Variants in P4HA1 observed in about 807,000 individuals in gnomAD.
The protein encoded by P4HA1 is prolyl 4-hydroxylase subunit alpha-1.
P4HA1 carries 24 observed loss-of-function variants against 72.8 expected under a neutral mutation model. The ratio of observed to expected loss-of-function variants is 0.33; its 90% CI spans 0.24 to 0.46. P4HA1 has a LOEUF of 0.46. P4HA1 is among the 20% of genes least tolerant of loss of function. The pLI is 1.00. For missense variants in P4HA1, 446 were observed against 640.6 expected (o/e 0.70, Z 3.28); for synonymous variants, 201 against 218.8 (o/e 0.92, Z 0.72).
chr10:73,066,759 CAGTG>C (rs1841433230), intron 5 of P4HA1, among the ~76,000 whole-genome samples: 1 of 152,126 alleles, frequency 6.6e-6, no homozygotes, highest in Non-Finnish European at 1.5e-5. Flanking sequence ...GTTCTTGTGA[CAGTG>C]AGTTCTCATG....
chr10:73,034,322 T>TATTTA (rs1280087305), intron 9 of P4HA1, among the ~76,000 whole-genome samples: 1 of 152,118 alleles, frequency 6.6e-6, no homozygotes, highest in Non-Finnish European at 1.5e-5. Context: ...CCATTTTAAT[T>TATTTA]AAGTGTACAA....
intron 10 of P4HA1, among the ~76,000 whole-genome samples, chr10:73,025,737 C>G (rs1840250747): frequency 6.6e-6 from 1 of 152,184 alleles, no homozygotes; most frequent in Non-Finnish European, 1.5e-5. Context: ...CCAAAATCTC[C>G]TTAAGCTGAT....
intron 9 of P4HA1, among the ~76,000 whole-genome samples, chr10:73,041,546 C>A (rs184154596): frequency 0.049 from 7,186 of 148,104 alleles, 603 homozygotes; most frequent in African/African-American, 0.17. Flanking sequence ...CCATCCCCCC[C>A]CCAAAAAAAA....
At chr10:73,070,185 T>G (rs1289633860) in intron 4 of P4HA1, among the ~76,000 whole-genome samples, 3 of 123,492 alleles carry the variant, frequency 2.4e-5, no homozygotes, top group Non-Finnish European at 4.8e-5. Context: ...TGAGATGGAG[T>G]CTCGCTCTGT....
At chr10:73,056,088 T>C (rs941002559) in intron 5 of P4HA1, among the ~76,000 whole-genome samples, 2 of 152,198 alleles carry the variant, frequency 1.3e-5, no homozygotes, top group Non-Finnish European at 2.9e-5. Context: ...TTAAACTCTA[T>C]GACTTAATAC....
At chr10:73,055,207 G>A (rs1841112988) in intron 5 of P4HA1, among the ~76,000 whole-genome samples, 1 of 152,104 alleles carries the variant, frequency 6.6e-6, no homozygotes, top group Non-Finnish European at 1.5e-5. Context: ...CTTGCACTCT[G>A]TTAGAGTTCT....
chr10:73,014,263 C>T lies in P4HA1; in HGVS notation c.1329G>A (p.Glu443=). 6.2e-7 allele frequency: 1 copy of T among 1,613,378 alleles called. No individual in the cohort carries two copies. The highest frequency in any genetic ancestry group is 8.5e-7 in the Non-Finnish European group (1 of 1,179,390). ...TAGCAATTCTATTTCCTGTCCCCAG[C>T]TCTTTGAAAGCATCTGGCTCATCTT... is the stretch of plus-strand genomic sequence containing the variant. ...ARKDEPDAFK[E]LGTGNRIATW... Residue 443 remains glutamate, a synonymous_variant, in exon 12 of 15, where the codon GAG becomes GAA. Transcript: ENST00000394890.
At chr10:73,077,798 T>C (rs1227449582) in intron 1 of P4HA1, among the ~76,000 whole-genome samples, 1 of 147,848 alleles carries the variant, frequency 6.8e-6, no homozygotes, top group Admixed American at 6.8e-5. Context: ...CCGGGCAACA[T>C]AGCAAGACTT....
chr10:73,024,857 A>G (rs916246005), intron 10 of P4HA1, among the ~76,000 whole-genome samples: 2 of 152,238 alleles, frequency 1.3e-5, no homozygotes, highest in African/African-American at 2.4e-5. Flanking sequence ...AGAATACTAT[A>G]AACACCTCTA....
chr10:73,027,916 C>T (rs1270923656), intron 10 of P4HA1, among the ~76,000 whole-genome samples: 9 of 149,690 alleles, frequency 6.0e-5, no homozygotes, highest in African/African-American at 2.3e-4. Context: ...AATCAGAAAT[C>T]ATAGCCAGTG....
At chr10:73,030,631 T>C (rs1840411783) in intron 9 of P4HA1, among the ~76,000 whole-genome samples, 1 of 152,158 alleles carries the variant, frequency 6.6e-6, no homozygotes, top group South Asian at 2.1e-4. Context: ...GTTGGATTAA[T>C]GTAAGGAGGC....
At chr10:73,015,751 C>A (rs1025234651) in intron 11 of P4HA1, among the ~76,000 whole-genome samples, 1 of 152,080 alleles carries the variant, frequency 6.6e-6, no homozygotes, top group African/African-American at 2.4e-5. Flanking sequence ...TGTTTTGTCC[C>A]CTCTTTAATT....
rs202065498 is a variant in P4HA1 at position 73,041,522 on chromosome 10, G to A, written c.1148+3459C>T. Among the ~76,000 whole-genome samples, 54 of 144,246 alleles carry A rather than the reference G, an allele frequency of 3.7e-4. No individual in the cohort carries two copies. In the East Asian group the frequency reaches 6.2e-3, roughly 16 times the overall value. 94.6% of individuals were successfully genotyped at this position (144,246 alleles called of 152,430 possible). The stretch of plus-strand genomic sequence containing the variant: ...CGCCACTGCACTCCAGCCTGGGGGC[G>A]ACAGAGCAAGACTCCATCCCCCCCC... On this transcript the variant is annotated intron_variant, in intron 9 of 14. Transcript: ENST00000394890.
rs776400769 is a variant in P4HA1 at position 73,059,482 on chromosome 10, G to A, written c.464-5892C>T. ...AAAAAGGCTGGGCGCAGTGGCTCAC[G>A]CCTGTAATCCCAGCACTTTGGGAGG... On this transcript the variant is annotated intron_variant, in intron 5 of 14. Transcript: ENST00000394890. Among the ~76,000 whole-genome samples the A allele has an allele frequency of 4.5e-4, 55 of 121,056 alleles. 1 individual carries two copies. The South Asian group carries it at 4.9e-3, about 11-fold the overall frequency. The allele number at this position is 121,056 out of a possible 152,430, so 79.4% of individuals were successfully genotyped here.
chr10:73,089,898 G>A (rs1287231053), intron 1 of P4HA1, among the ~76,000 whole-genome samples: 2 of 152,166 alleles, frequency 1.3e-5, no homozygotes, highest in African/African-American at 2.4e-5. Context: ...GTGCAGTAGC[G>A]TGATCTTGGC....
In P4HA1 at chr10:73,053,360, G is replaced by C; in HGVS notation, c.694C>G (p.Leu232Val). Residue 232 changes from leucine (L) to valine (V), a missense_variant, in exon 6 of 15, where the codon CTT becomes GTT. Physicochemically the swap from Leu to Val is conservative, Grantham distance 32 (BLOSUM62 1). Transcript: ENST00000394890. ...DKALLLTKKLLELDPEHQRAN... is the reference protein window; with the variant it reads ...DKALLLTKKLVELDPEHQRAN... ...GGCCCAGATAACATACCTAGTTCAA[G>C]AAGCTTCTTTGTGAGCAAAAGTGCC... The C allele has an allele frequency of 6.2e-7, 1 of 1,614,006 alleles. No homozygotes were observed. Among genetic ancestry groups the C allele is most frequent in the Non-Finnish European group, 8.5e-7 (1 of 1,179,940 alleles).
At chr10:73,019,728 C>CAAAAA (rs1199442068) in intron 10 of P4HA1, among the ~76,000 whole-genome samples, 1 of 424 alleles carries the variant, frequency 2.4e-3, no homozygotes, top group African/African-American at 0.016. Context: ...GACTCTGTCT[C>CAAAAA]AGAAAAAAAA....
intron 9 of P4HA1, among the ~76,000 whole-genome samples, chr10:73,043,555 C>A (rs1460638763): frequency 2.0e-5 from 3 of 152,190 alleles, no homozygotes; most frequent in Admixed American, 2.0e-4. Context: ...GATTTTTAAA[C>A]CCCTGCTTTA....
intron 4 of P4HA1, among the ~76,000 whole-genome samples, chr10:73,070,507 G>T (rs1016763379): frequency 2.6e-5 from 4 of 151,972 alleles, no homozygotes; most frequent in Non-Finnish European, 5.9e-5. Flanking sequence ...ATATTTTTAT[G>T]CTGTTTTGTC....
Sources: gnomAD v4.1 joint callset for allele counts (sites outside exome capture counted in the v4.1 genomes callset) on GRCh38, gnomAD v4.1.1 for gene constraint, MANE v1.5 for transcripts, NCBI Gene and HGNC (gene_info 2026-07-23, HGNC 2026-07-21) for gene names.